Variants in FNDC1 observed in about 807,000 individuals in gnomAD.
The protein encoded by FNDC1 is fibronectin type III domain containing 1.
Under a neutral mutation model 168.0 loss-of-function variants are expected in FNDC1, and 96 were observed. That is an observed-to-expected ratio of 0.57 (90% CI 0.48 to 0.68). The LOEUF is 0.68. Among genes scored for constraint, FNDC1 ranks in the 30% least tolerant of loss-of-function variants. The pLI is 0.00. For missense variants in FNDC1, 2,587 were observed against 2,482.1 expected (o/e 1.04, Z -0.90); for synonymous variants, 1,099 against 1,025.9 (o/e 1.07, Z -1.36).
At chr6:159,204,662 C>T (rs747994703) in intron 4 of FNDC1, among the ~76,000 whole-genome samples, 1 of 152,200 alleles carries the variant, frequency 6.6e-6, no homozygotes, top group Non-Finnish European at 1.5e-5. Flanking sequence ...GCCAGGACCC[C>T]CAGCTATCTA....
chr6:159,218,816 G>T (rs990233843), intron 5 of FNDC1, among the ~76,000 whole-genome samples: 3 of 152,150 alleles, frequency 2.0e-5, no homozygotes, highest in African/African-American at 7.2e-5. Flanking sequence ...AGCCGGAGGG[G>T]CTGTGGAACT....
intron 1 of FNDC1, among the ~76,000 whole-genome samples, chr6:159,196,482 A>G (rs887023562): frequency 4.6e-5 from 7 of 152,210 alleles, no homozygotes; most frequent in Admixed American, 1.3e-4. Context: ...CATATGTGTC[A>G]TCACTAAACA....
Position 159,233,464 on chromosome 6 carries a change from A to G in FNDC1, c.2952A>G (p.Ala984=). Residue 984 remains alanine (A), a synonymous_variant, in exon 11 of 23, where the codon GCA becomes GCG. Coordinates refer to ENST00000297267, the MANE Select transcript of FNDC1 (RefSeq NM_032532.3). This position sits in a 1 kb window ranked among gnomAD's most constrained non-coding sequence, Gnocchi z 4.6. The stretch of plus-strand genomic sequence containing the variant: ...CGTCCCCTGCTCGTCCGCCCGCAGC[A>G]CGGTCACAGCAGCATCCCAGTGTTC... ...RHASPARPPA[A]RSQQHPSVPR... 6.2e-7 allele frequency: 1 copy of G among 1,606,694 alleles called. No homozygotes were observed. Among genetic ancestry groups the G allele is most frequent in the Non-Finnish European group, 8.5e-7 (1 of 1,178,832 alleles).
intron 14 of FNDC1, among the ~76,000 whole-genome samples, chr6:159,242,603 T>G (rs1395000632): frequency 1.3e-5 from 2 of 152,244 alleles, no homozygotes; most frequent in Non-Finnish European, 2.9e-5. Flanking sequence ...GATGTTAATA[T>G]ATTTACAGTT....
Position 159,232,744 on chromosome 6 carries a change from G to A in FNDC1, c.2232G>A (p.Gly744=). 6.2e-7 allele frequency: 1 copy of A among 1,613,930 alleles called. No individual in the cohort carries two copies. Among genetic ancestry groups the A allele is most frequent in the Non-Finnish European group, 8.5e-7 (1 of 1,179,884 alleles). The change falls in exon 11 of 23, where the codon GGG becomes GGA. Residue 744 remains glycine, a synonymous_variant. Transcript: ENST00000297267. The surrounding 1 kb of genome is among the most constrained non-coding windows in gnomAD (Gnocchi z 4.9). ...TGAGCTCTCCACTTTCCAAGGGCGG[G>A]AAGGATGGTGAGGACGCCCCAGCCA... is the stretch of plus-strand genomic sequence containing the variant. ...PHLSSPLSKG[G]KDGEDAPATN... is the part of the protein sequence containing the mutation.
chr6:159,200,937 C>G lies in FNDC1; in HGVS notation c.460+356C>G, dbSNP rs529085843. Among the ~76,000 whole-genome samples the G allele has an allele frequency of 1.9e-4, 29 of 152,344 alleles. 1 individual carries two copies. In the South Asian group the frequency reaches 5.8e-3, roughly 31 times the overall value. On this transcript the variant is annotated intron_variant, in intron 4 of 22. Transcript: ENST00000297267. ...CAGTGAATCAATGAATGGGGTCCCC[C>G]CAAAATAGTGGCTTTTATGGGCTAA...
At chr6:159,238,821 GTGTTTCCCCCAGAGAGCGTTAGTTCT>G (rs1168914451) in intron 13 of FNDC1, among the ~76,000 whole-genome samples, 156 bp downstream of exon 13, 3 of 152,146 alleles carry the variant, frequency 2.0e-5, no homozygotes, top group African/African-American at 7.2e-5. Flanking sequence ...GCAGAACTTG[GTGTTTCCCCCAGAGAGCGTTAGTTCT>G]CTTCCTGCAG....
chr6:159,184,874 A>C (rs1446475400), intron 1 of FNDC1, among the ~76,000 whole-genome samples: 1 of 152,120 alleles, frequency 6.6e-6, no homozygotes, highest in Non-Finnish European at 1.5e-5. Context: ...ATTCCACAAA[A>C]ACCTGCAAAG....
At chr6:159,205,717 A>G (rs571241132) in intron 4 of FNDC1, among the ~76,000 whole-genome samples, 5 of 152,314 alleles carry the variant, frequency 3.3e-5, no homozygotes, top group African/African-American at 1.2e-4. Context: ...TGAAACTATG[A>G]GGCTGAGTGG....
At chr6:159,183,895 T>G (rs1218179566) in intron 1 of FNDC1, among the ~76,000 whole-genome samples, 7 of 152,250 alleles carry the variant, frequency 4.6e-5, no homozygotes, top group Non-Finnish European at 4.4e-5. Context: ...TCCTTATGAA[T>G]TCAGCTGCCA....
chr6:159,220,711 ATGGCCCC>A (rs1782805109), intron 5 of FNDC1, among the ~76,000 whole-genome samples: 1 of 152,220 alleles, frequency 6.6e-6, no homozygotes, highest in Non-Finnish European at 1.5e-5. Context: ...TTCAAGTGCA[ATGGCCCC>A]TGGTATACAC....
At chr6:159,247,495 T>A (rs1415133738) in intron 15 of FNDC1, among the ~76,000 whole-genome samples, 1 of 152,184 alleles carries the variant, frequency 6.6e-6, no homozygotes, top group Non-Finnish European at 1.5e-5. Context: ...AAGCCTGTAA[T>A]CCTAACACTT....
At chr6:159,246,746 T>A (rs1562307146) in intron 14 of FNDC1, among the ~76,000 whole-genome samples, 155 bp from the exon 15 acceptor site, 1 of 152,168 alleles carries the variant, frequency 6.6e-6, no homozygotes, top group African/African-American at 2.4e-5. Flanking sequence ...GCTTTGATGA[T>A]TTTCCTCCTG....
chr6:159,223,467 G>T (rs1030665701), intron 6 of FNDC1, 61 bp from the exon 7 acceptor site: 6 of 1,000,718 alleles, frequency 6.0e-6, no homozygotes, highest in Non-Finnish European at 9.2e-6. Context: ...AAGGACTGAG[G>T]AGCTCAGGGC....
At chr6:159,199,516 A>T (rs1425847419) in intron 2 of FNDC1, among the ~76,000 whole-genome samples, 1 of 152,256 alleles carries the variant, frequency 6.6e-6, no homozygotes, top group Non-Finnish European at 1.5e-5. Context: ...TATGTATTGC[A>T]GTGAAGATTT....
chr6:159,269,876 C>G (rs961870280), intron 22 of FNDC1, among the ~76,000 whole-genome samples: 1 of 152,132 alleles, frequency 6.6e-6, no homozygotes, highest in African/African-American at 2.4e-5. Flanking sequence ...GTCACCTGCT[C>G]TAGTCAGTCT....
chr6:159,208,643 C>T (rs534356113), intron 4 of FNDC1, among the ~76,000 whole-genome samples: 1 of 152,236 alleles, frequency 6.6e-6, no homozygotes, highest in East Asian at 1.9e-4. Flanking sequence ...AGGATCAATA[C>T]CAAAGTCAGC....
chr6:159,264,698 T>C (rs1324090974), intron 19 of FNDC1, among the ~76,000 whole-genome samples: 2 of 152,248 alleles, frequency 1.3e-5, no homozygotes, highest in African/African-American at 4.8e-5. Context: ...TTTTTTTAAA[T>C]GAGTACTGAA....
At chr6:159,251,215 G>A in intron 16 of FNDC1, 87 bp from the exon 17 acceptor site, 1 of 976,712 alleles carries the variant, frequency 1.0e-6, no homozygotes, top group Non-Finnish European at 1.5e-6. Flanking sequence ...ACCGAATGGT[G>A]GGTCTGACTC....
Sources: allele counts gnomAD v4.1 joint callset (sites outside exome capture counted in the v4.1 genomes callset), GRCh38; gene constraint gnomAD v4.1.1; non-coding constraint Gnocchi (gnomAD v3.1); transcripts MANE v1.5; gene names NCBI Gene and HGNC (gene_info 2026-07-23, HGNC 2026-07-21).